Variants in EHF observed in about 807,000 individuals in gnomAD.
The protein encoded by EHF is ETS homologous factor, also known as ESE3 transcription factor.
A neutral mutation model predicts 45.1 loss-of-function variants in EHF; 14 were observed. The ratio of observed to expected loss-of-function variants is 0.31; its 90% CI spans 0.21 to 0.49. EHF has a LOEUF of 0.49. Ranked by LOEUF, EHF falls within the 20% of genes least tolerant of loss-of-function variation. EHF has a pLI of 0.99. For synonymous variants in EHF, 136 were observed against 131.8 expected (o/e 1.03, Z -0.22); for missense variants, 282 against 371.4 (o/e 0.76, Z 1.98).
At chr11:34,651,500 GA>G (rs201687173) in intron 4 of EHF, 41 bp from the exon 5 acceptor site, 58 of 1,541,774 alleles carry the variant, frequency 3.8e-5, no homozygotes, top group Non-Finnish European at 5.0e-5. Flanking sequence ...TCTCCCTGGG[GA>G]AAAGAGATCG....
At chr11:34,628,115 G>C (rs1852535364) in intron 1 of EHF, among the ~76,000 whole-genome samples, 1 of 152,172 alleles carries the variant, frequency 6.6e-6, no homozygotes, top group South Asian at 2.1e-4. Context: ...GCACACACCT[G>C]TAATCCCAGC....
chr11:34,632,176 G>T (rs1852954488), intron 1 of EHF, among the ~76,000 whole-genome samples: 1 of 152,092 alleles, frequency 6.6e-6, no homozygotes, highest in Non-Finnish European at 1.5e-5. Context: ...AGGCTGTTTG[G>T]GCAGATGCCT....
chr11:34,656,850 A>T, intron 6 of EHF, 58 bp from the exon 7 acceptor site: 1 of 1,580,782 alleles, frequency 6.3e-7, no homozygotes, highest in East Asian at 2.3e-5. Context: ...GGATGCATGA[A>T]TAAAAAAGAG....
chr11:34,631,039 T>C (rs745581086), intron 1 of EHF, among the ~76,000 whole-genome samples: 6 of 152,184 alleles, frequency 3.9e-5, no homozygotes, highest in Non-Finnish European at 8.8e-5. Context: ...TTATTTTTAT[T>C]TTTATTTTTG....
intron 1 of EHF, among the ~76,000 whole-genome samples, chr11:34,628,168 G>A (rs1590408450): frequency 6.6e-6 from 1 of 152,116 alleles, no homozygotes; most frequent in East Asian, 1.9e-4. Flanking sequence ...AACCTGGGAA[G>A]CAGAGGCTGC....
At position 34,635,450 on chromosome 11, in the gene EHF, CT is replaced by C. The variant is rs56121359; in HGVS notation, c.-3-7160del. 3.0e-3 allele frequency among the ~76,000 whole-genome samples: 334 copies of C among 113,220 alleles called. 4 individuals carry two copies. The highest frequency in any genetic ancestry group is 9.4e-3 in the African/African-American group (291 of 30,854). The allele number at this position is 113,220 out of a possible 152,430, so 74.3% of individuals were successfully genotyped here. A position where few individuals can be genotyped will look rare whatever the true frequency, so the allele number is the denominator to read the frequency against. On this transcript the variant is annotated intron_variant, in intron 1 of 8. Coordinates refer to ENST00000257831, the MANE Select transcript of EHF (RefSeq NM_012153.6). ...CCTAGCCCCAATCCGAAACCTTATTCTTTTTTTTTTTTTTTTTTGAGATGGA... is the reference window on the plus strand; with the variant it reads ...CCTAGCCCCAATCCGAAACCTTATTCTTTTTTTTTTTTTTTTTGAGATGGA...
rs578013619 is a variant in EHF at position 34,649,130 on chromosome 11, G to A, written c.406+49G>A. 5 of 1,598,692 alleles carry A rather than the reference G, an allele frequency of 3.1e-6. No homozygotes were observed. In the South Asian group the frequency reaches 4.4e-5, roughly 14 times the overall value. The stretch of plus-strand genomic sequence containing the variant: ...GCCAACCTAGCCTGGCAAAGCTCCG[G>A]GGAGGACAGTTGGGAGAGGGCAAGA... On this transcript the variant is annotated intron_variant, in intron 4 of 8. Transcript: ENST00000257831.
chr11:34,637,938 G>A (rs1477469986), intron 1 of EHF, among the ~76,000 whole-genome samples: 1 of 143,084 alleles, frequency 7.0e-6, no homozygotes, highest in South Asian at 2.2e-4. Context: ...GTCTCGCTCT[G>A]TTGCCCAGGC....
intron 8 of EHF, 39 bp downstream of exon 8, chr11:34,658,767 C>A (rs184420633): frequency 1.2e-6 from 2 of 1,608,162 alleles, no homozygotes; most frequent in South Asian, 1.1e-5. Flanking sequence ...AAAGGCTGTA[C>A]GACCCATTAT....
intron 1 of EHF, among the ~76,000 whole-genome samples, chr11:34,626,153 T>C (rs1176248171): frequency 6.6e-6 from 1 of 152,218 alleles, no homozygotes; most frequent in East Asian, 1.9e-4. Flanking sequence ...TCAAATTTCA[T>C]AGCTGCTTTT....
intron 1 of EHF, among the ~76,000 whole-genome samples, chr11:34,628,372 T>C (rs1852560738): frequency 2.0e-5 from 3 of 152,350 alleles, no homozygotes; most frequent in Non-Finnish European, 2.9e-5. Context: ...AATATTTTAA[T>C]TTGTCATGTA....
chr11:34,637,295 GGAAGCAAGCCCTTGGC>G (rs1465470736), intron 1 of EHF, among the ~76,000 whole-genome samples: 2 of 152,276 alleles, frequency 1.3e-5, no homozygotes, highest in Non-Finnish European at 2.9e-5. Context: ...GTGCTTTTCT[GGAAGCAAGCCCTTGGC>G]GAAGCAAGCC....
At chr11:34,623,653 C>T (rs975224725) in intron 1 of EHF, among the ~76,000 whole-genome samples, 3 of 152,220 alleles carry the variant, frequency 2.0e-5, no homozygotes, top group African/African-American at 7.2e-5. Flanking sequence ...CTGGAAGGAG[C>T]TCCTATCGGG....
At chr11:34,654,857 G>A (rs189936819) in intron 6 of EHF, among the ~76,000 whole-genome samples, 1 of 152,312 alleles carries the variant, frequency 6.6e-6, no homozygotes, top group Non-Finnish European at 1.5e-5. Flanking sequence ...AGAGACTCTT[G>A]TATTTTTCTG....
In EHF at chr11:34,658,900, A is replaced by C. The variant is rs1478676986; in HGVS notation, c.872A>C (p.Asn291Thr). 1 of 1,613,372 alleles carries C rather than the reference A, an allele frequency of 6.2e-7. No individual in the cohort carries two copies. The highest frequency in any genetic ancestry group is 1.1e-5 in the South Asian group (1 of 90,996). Reference protein sequence around the residue: ...GRRLVYKFGKNARGWRENEN With the variant: ...GRRLVYKFGKTARGWRENEN Reference sequence around the variant, plus strand: ...AGACTGGTATATAAATTTGGGAAGAATGCCCGAGGATGGAGAGAAAATGAA... The same window carrying C: ...AGACTGGTATATAAATTTGGGAAGACTGCCCGAGGATGGAGAGAAAATGAA... The change falls in exon 9 of 9, where the codon AAT becomes ACT. Residue 291 changes from asparagine (N) to threonine (T), a missense_variant. Around this residue, in one of 3 missense-constraint regions of EHF, gnomAD observed 28 missense variants for 37.1 expected, o/e 0.76. Transcript: ENST00000257831.
At chr11:34,641,516 G>A (rs1254037610) in intron 1 of EHF, among the ~76,000 whole-genome samples, 1 of 152,102 alleles carries the variant, frequency 6.6e-6, no homozygotes, top group African/African-American at 2.4e-5. Context: ...GTGGACATTG[G>A]TAATACCCGA....
At chr11:34,641,659 G>A (rs574589635) in intron 1 of EHF, among the ~76,000 whole-genome samples, 2 of 152,252 alleles carry the variant, frequency 1.3e-5, no homozygotes, top group Admixed American at 6.5e-5. Context: ...GCCCAATAGC[G>A]ATCTGGAAAC....
At chr11:34,649,255 C>T (rs776638334) in intron 4 of EHF, among the ~76,000 whole-genome samples, 174 bp downstream of exon 4, 2 of 152,156 alleles carry the variant, frequency 1.3e-5, no homozygotes, top group Non-Finnish European at 2.9e-5. Flanking sequence ...CTTGCCCTTG[C>T]GACCAGTGAC....
In EHF at chr11:34,659,109, G is replaced by A; in HGVS notation, c.*178G>A. On this transcript the variant is annotated 3_prime_UTR_variant, in exon 9 of 9. Coordinates refer to ENST00000257831, the MANE Select transcript of EHF (RefSeq NM_012153.6). ...TACGGTCGATTAAAAAAATTATTTT[G>A]TTACTTCGAAGTATGTCCTATATGG... The A allele has an allele frequency of 5.5e-6, 3 of 549,578 alleles. No individual in the cohort carries two copies. Among genetic ancestry groups the A allele is most frequent in the Non-Finnish European group, 6.3e-6 (2 of 317,368 alleles). The allele number at this position is 549,578 out of a possible 1,614,324, so 34.0% of individuals were successfully genotyped here.
Sources: gnomAD v4.1 joint callset for allele counts (sites outside exome capture counted in the v4.1 genomes callset) on GRCh38, gnomAD v4.1.1 for gene constraint, gnomAD v4.1.1 regional missense constraint, MANE v1.5 for transcripts, NCBI Gene and HGNC (gene_info 2026-07-23, HGNC 2026-07-21) for gene names.